PLA2G4C: variants seen among roughly 807,000 people sequenced by gnomAD.
PLA2G4C encodes phospholipase A2 group IVC.
A neutral mutation model predicts 73.8 loss-of-function variants in PLA2G4C; 64 were observed. The observed-to-expected ratio is 0.87, with a 90% confidence interval of 0.71 to 1.07. The LOEUF is 1.07. Among genes scored for constraint, PLA2G4C ranks in the 50% least tolerant of loss-of-function variants. The probability of loss-of-function intolerance (pLI) is 0.00; values close to 1 mark genes in which losing one functional copy is unlikely to be tolerated. For missense variants in PLA2G4C, 622 were observed against 665.4 expected (o/e 0.93, Z 0.72); for synonymous variants, 254 against 252.1 (o/e 1.01, Z -0.07).
rs116879399 is a variant in PLA2G4C at position 48,086,918 on chromosome 19, C to T, written c.790+1768G>A. ...GGAATCTCACAGAGCCTGTGTCTCT[C>T]TCCTGCCACCCCCATTAGAGCTGGT... On this transcript the variant is annotated intron_variant, in intron 9 of 16. Transcript: ENST00000599921. 5.9e-3 allele frequency among the ~76,000 whole-genome samples: 903 copies of T among 152,316 alleles called. 5 individuals carry two copies. Among genetic ancestry groups the T allele is most frequent in the Non-Finnish European group, 9.0e-3 (609 of 68,020 alleles).
rs1052369652 is a variant in PLA2G4C, at chr19:48,066,328, C to A, written c.1102+1463G>T. ...CTCTCATATATTGCTACTGAGAAAG[C>A]GACTTCATCCAACCCCTTCAGGGAG... On this transcript the variant is annotated intron_variant, in intron 13 of 16. Coordinates refer to ENST00000599921, the MANE Select transcript of PLA2G4C (RefSeq NM_003706.3). 2.6e-5 allele frequency among the ~76,000 whole-genome samples: 4 copies of A among 152,192 alleles called. No individual in the cohort carries two copies. In the East Asian group the frequency reaches 7.7e-4, roughly 29 times the overall value.
At chr19:48,060,990 G>A (rs375400948) in intron 14 of PLA2G4C, among the ~76,000 whole-genome samples, 1 of 152,058 alleles carries the variant, frequency 6.6e-6, no homozygotes, top group African/African-American at 2.4e-5. Flanking sequence ...ATATTATGTA[G>A]GTGTATATAT....
intron 11 of PLA2G4C, 144 bp downstream of exon 11, chr19:48,077,627 A>G: frequency 1.8e-6 from 1 of 561,954 alleles, no homozygotes; most frequent in East Asian, 3.3e-5. Context: ...GGCCTCAGGC[A>G]CCTGGGAGAG....
intron 9 of PLA2G4C, among the ~76,000 whole-genome samples, chr19:48,085,718 G>T (rs1420974481): frequency 6.6e-6 from 1 of 151,672 alleles, no homozygotes; most frequent in Non-Finnish European, 1.5e-5. Flanking sequence ...ACGGGCTGCA[G>T]CCTATACTGT....
intron 16 of PLA2G4C, among the ~76,000 whole-genome samples, chr19:48,050,042 C>T (rs1967664767): frequency 6.6e-6 from 1 of 152,304 alleles, no homozygotes. Context: ...CTGCCTCAGC[C>T]TCCCAAGTAA....
intron 15 of PLA2G4C, among the ~76,000 whole-genome samples, chr19:48,053,373 T>TC (rs1568420092): frequency 2.1e-5 from 3 of 145,602 alleles, no homozygotes; most frequent in African/African-American, 2.6e-5. Context: ...TCTTTTTTTT[T>TC]TTTTTTTTTT....
intron 14 of PLA2G4C, among the ~76,000 whole-genome samples, chr19:48,060,782 G>T (rs1019684729): frequency 3.9e-5 from 6 of 152,168 alleles, no homozygotes; most frequent in Admixed American, 3.9e-4. Flanking sequence ...GAAAGATGGT[G>T]ACAAGTTGGT....
chr19:48,101,126 A>ATTT (rs544287174), intron 4 of PLA2G4C, among the ~76,000 whole-genome samples: 48 of 74,128 alleles, frequency 6.5e-4, no homozygotes, highest in African/African-American at 2.8e-3. Context: ...ATATATATAT[A>ATTT]TTTTTTTTTT....
intron 10 of PLA2G4C, among the ~76,000 whole-genome samples, chr19:48,082,572 C>G (rs906297890): frequency 2.1e-5 from 3 of 141,036 alleles, no homozygotes; most frequent in African/African-American, 7.9e-5. Context: ...GATCTCGGCT[C>G]ACTGCAACCC....
rs1289309553 is a variant in PLA2G4C at position 48,050,693 on chromosome 19, G to A, written c.1580+2304C>T. Among the ~76,000 whole-genome samples, 35 of 8,844 alleles carry A rather than the reference G, an allele frequency of 4.0e-3. No homozygotes were observed. The East Asian group carries it at 0.14, about 35-fold the overall frequency. The allele number at this position is 8,844 out of a possible 152,430, so 5.8% of individuals were successfully genotyped here. ...TGTGACTTTTTTTTTTTTTTTTTTT[G>A]AGACAGGGTCTCGCTCTGTCATCGA... On this transcript the variant is annotated intron_variant, in intron 16 of 16. Transcript: ENST00000599921.
chr19:48,105,932 TCCCTCCC>T lies in PLA2G4C; in HGVS notation c.9-495_9-489del, dbSNP rs1568457534. On this transcript the variant is annotated intron_variant, in intron 2 of 16. Coordinates refer to ENST00000599921, the MANE Select transcript of PLA2G4C (RefSeq NM_003706.3). ...CTCCCTCCCTCCCTCCCTCCCTCCC[TCCCTCCC>T]TCCCTCCCTTCTTTCTTTCTTTCTT... is the stretch of plus-strand genomic sequence containing the variant. Among the ~76,000 whole-genome samples, 235 of 30,662 alleles carry T rather than the reference TCCCTCCC, an allele frequency of 7.7e-3. 37 individuals carry two copies. The highest frequency in any genetic ancestry group is 0.013 in the South Asian group (6 of 448). 20.1% of individuals were successfully genotyped at this position (30,662 alleles called of 152,430 possible).
At chr19:48,088,620 G>T in intron 9 of PLA2G4C, 66 bp downstream of exon 9, 1 of 1,089,236 alleles carries the variant, frequency 9.2e-7, no homozygotes, top group Non-Finnish European at 1.4e-6. Context: ...TAGGACAATG[G>T]CTGGCCTCAA....
At chr19:48,100,736 C>T (rs1237930764) in intron 4 of PLA2G4C, among the ~76,000 whole-genome samples, 3 of 147,820 alleles carry the variant, frequency 2.0e-5, no homozygotes, top group African/African-American at 5.2e-5. Context: ...GGTGAAACCC[C>T]GTCTCTACTA....
At chr19:48,083,765 T>A (rs934606658) in intron 10 of PLA2G4C, among the ~76,000 whole-genome samples, 4 of 151,962 alleles carry the variant, frequency 2.6e-5, no homozygotes, top group African/African-American at 7.3e-5. Flanking sequence ...CTTTATTTTT[T>A]AATTTTTTTC....
chr19:48,110,817 T>C lies in PLA2G4C; in HGVS notation c.-363A>G, dbSNP rs2032472327. ...GCTTGGTTGCTCCAGCTTTTTCAGC[T>C]GTTCCAGAGCTCACCCGGAGCTATT... On this transcript the variant is annotated 5_prime_UTR_variant, in exon 1 of 17. Coordinates refer to ENST00000599921, the MANE Select transcript of PLA2G4C (RefSeq NM_003706.3). 7 of 346,254 alleles carry C rather than the reference T, an allele frequency of 2.0e-5. No individual in the cohort carries two copies. In the East Asian group the frequency reaches 3.3e-4, roughly 16 times the overall value. 21.4% of individuals were successfully genotyped at this position (346,254 alleles called of 1,614,324 possible). A position where few individuals can be genotyped will look rare whatever the true frequency, so the allele number is the denominator to read the frequency against.
chr19:48,081,871 A>C (rs944455873), intron 10 of PLA2G4C, among the ~76,000 whole-genome samples: 10 of 151,044 alleles, frequency 6.6e-5, no homozygotes, highest in African/African-American at 2.4e-4. Flanking sequence ...GCTTGAGCTC[A>C]GAAGTTCGAG....
Position 48,099,693 on chromosome 19 carries a change from ACCATGTAGGC to A in PLA2G4C, c.415_424del (p.Ala139LeufsTer17), listed in dbSNP as rs779342291. ...TACTTCTCTGGTTTGCTTAGAGATA[ACCATGTAGGC>A]CCAGAAGTCGGTCAGAGAGTAATTC... On this transcript the variant is annotated frameshift_variant, in exon 5 of 17. Transcript: ENST00000599921. LOFTEE classifies it high-confidence loss of function. The A allele has an allele frequency of 1.5e-5, 25 of 1,613,834 alleles. No individual in the cohort carries two copies. The Middle Eastern group carries it at 6.7e-4, about 43-fold the overall frequency.
intron 5 of PLA2G4C, 61 bp downstream of exon 5, chr19:48,099,610 C>A (rs2031788752): frequency 4.0e-6 from 5 of 1,251,474 alleles, no homozygotes; most frequent in Admixed American, 3.9e-5. Context: ...TTTGGTAACC[C>A]CACACCCTGA....
At chr19:48,067,157 C>T (rs1026353404) in intron 13 of PLA2G4C, among the ~76,000 whole-genome samples, 5 of 147,620 alleles carry the variant, frequency 3.4e-5, no homozygotes, top group Non-Finnish European at 5.9e-5. Context: ...AGGGAAAACC[C>T]ATACAAATGT....
Sources: allele counts gnomAD v4.1 joint callset (sites outside exome capture counted in the v4.1 genomes callset), GRCh38; gene constraint gnomAD v4.1.1; transcripts MANE v1.5; gene names NCBI Gene and HGNC (gene_info 2026-07-23, HGNC 2026-07-21).